CST9L: variants seen among roughly 807,000 people sequenced by gnomAD.
CST9L encodes cystatin 9 like.
CST9L carries 17 observed loss-of-function variants against 13.2 expected under a neutral mutation model. The ratio of observed to expected loss-of-function variants is 1.29; its 90% CI spans 0.88 to 1.93. The LOEUF (loss-of-function observed/expected upper bound fraction) is 1.93. Ranked by LOEUF, CST9L falls within the 30% of genes most tolerant of loss-of-function variation. The pLI, the probability that CST9L is intolerant of heterozygous loss-of-function variation, is 0.00. For missense variants in CST9L, 170 were observed against 170.5 expected, an observed-to-expected ratio of 1.00 and a Z score of 0.02; for synonymous variants, 78 against 69.1, an observed-to-expected ratio of 1.13 and a Z score of -0.64.
At chr20:23,565,870 G>A (rs560661786) in intron 2 of CST9L, 104 bp downstream of exon 2, 2 of 771,560 alleles carry the variant, frequency 2.6e-6, no homozygotes, top group African/African-American at 1.7e-5. Flanking sequence ...GGCTGCTGCA[G>A]GCTCACTCCT....
intron 1 of CST9L, among the ~76,000 whole-genome samples, chr20:23,566,611 T>A (rs1600331444): frequency 6.6e-6 from 1 of 151,798 alleles, no homozygotes; most frequent in Non-Finnish European, 1.5e-5. Flanking sequence ...TGGGGCCGGG[T>A]GTGGTGGCTC....
chr20:23,565,403 A>G lies in CST9L; in HGVS notation c.355-366T>C, dbSNP rs1269112494. On this transcript the variant is annotated intron_variant, in intron 2 of 2. Transcript: ENST00000376979. ...TAAGCAATCAGCTACCTATTTTTTA[A>G]TATTACAATAAGGGTGTTGATTAAG... 3.3e-5 allele frequency among the ~76,000 whole-genome samples: 5 copies of G among 152,240 alleles called. No individual in the cohort carries two copies. The South Asian group carries it at 8.3e-4, about 25-fold the overall frequency.
Position 23,564,920 on chromosome 20 carries a change from C to T in CST9L, c.*28G>A. 1 of 1,522,326 alleles carries T rather than the reference C, an allele frequency of 6.6e-7. No individual in the cohort carries two copies. Among genetic ancestry groups the T allele is most frequent in the Non-Finnish European group, 9.1e-7 (1 of 1,096,376 alleles). The allele number at this position is 1,522,326 out of a possible 1,614,324, so 94.3% of individuals were successfully genotyped here. A position where few individuals can be genotyped will look rare whatever the true frequency, so the allele number is the denominator to read the frequency against. On this transcript the variant is annotated 3_prime_UTR_variant, in exon 3 of 3. Coordinates refer to ENST00000376979, the MANE Select transcript of CST9L (RefSeq NM_080610.3). The stretch of plus-strand genomic sequence containing the variant: ...ATGTCCACGGAATGTGGGAGCAGCA[C>T]ATGGACAAGCCTGTGAGTGGGTTTC...
intron 2 of CST9L, among the ~76,000 whole-genome samples, 173 bp from the exon 3 acceptor site, chr20:23,565,210 T>G (rs1031760021): frequency 4.6e-5 from 7 of 152,162 alleles, no homozygotes; most frequent in Non-Finnish European, 8.8e-5. Flanking sequence ...TGGGCTGTTC[T>G]GGAGATTTGA....
chr20:23,565,063 C>T, intron 2 of CST9L, 26 bp from the exon 3 acceptor site: 2 of 1,552,076 alleles, frequency 1.3e-6, no homozygotes, highest in Non-Finnish European at 1.8e-6. Context: ...CAGGAAGGGA[C>T]AGTGGGTGAG....
At chr20:23,566,266 T>C (rs77991470) in intron 1 of CST9L, among the ~76,000 whole-genome samples, 179 bp from the exon 2 acceptor site, 3,028 of 152,284 alleles carry the variant, frequency 0.02, 100 homozygotes, top group African/African-American at 0.068. Context: ...AAAAAGCGGA[T>C]GGGCATGGTG....
intron 1 of CST9L, 22 bp from the exon 2 acceptor site, chr20:23,566,109 A>G (rs189798431): frequency 7.8e-7 from 1 of 1,288,998 alleles, no homozygotes; most frequent in Admixed American, 1.7e-5. Flanking sequence ...AGAGAGATTA[A>G]TGTGAACACA....
intron 2 of CST9L, 70 bp from the exon 3 acceptor site, chr20:23,565,107 A>G (rs1989073095): frequency 2.8e-6 from 3 of 1,088,208 alleles, no homozygotes; most frequent in Non-Finnish European, 4.3e-6. Flanking sequence ...CAAGCTCTGA[A>G]CAATGGCTTC....
intron 1 of CST9L, among the ~76,000 whole-genome samples, chr20:23,566,607 C>T (rs1018416047): frequency 2.6e-5 from 4 of 152,244 alleles, no homozygotes; most frequent in East Asian, 1.9e-4. Flanking sequence ...CATCTGGGGC[C>T]GGGTGTGGTG....
At chr20:23,565,356 CAG>C (rs1409661201) in intron 2 of CST9L, among the ~76,000 whole-genome samples, 1 of 152,192 alleles carries the variant, frequency 6.6e-6, no homozygotes, top group African/African-American at 2.4e-5. Context: ...TGCATTGTCC[CAG>C]TGGAAGCAGT....
Position 23,568,397 on chromosome 20 carries a change from G to C in CST9L, c.54C>G (p.Leu18=). Residue 18 remains leucine, a synonymous_variant, in exon 1 of 3, where the codon CTC becomes CTG. Coordinates refer to ENST00000376979, the MANE Select transcript of CST9L (RefSeq NM_080610.3). The part of the protein sequence containing the change: ...GGLSWALLLL[L]LGSQILLIYA... The stretch of plus-strand genomic sequence containing the variant: ...AGATCAGCAGGATCTGGGAGCCTAA[G>C]AGAAGCAGCAGCAGCGCCCAGGACA... 1.2e-6 allele frequency: 2 copies of C among 1,614,184 alleles called. No individual in the cohort carries two copies. The highest frequency in any genetic ancestry group is 1.7e-6 in the Non-Finnish European group (2 of 1,180,032).
intron 2 of CST9L, 111 bp from the exon 3 acceptor site, chr20:23,565,148 A>G (rs986333128): frequency 3.8e-6 from 3 of 795,404 alleles, no homozygotes; most frequent in Non-Finnish European, 6.6e-6. Flanking sequence ...CAGGTCAAGC[A>G]GTGGGAAGAC....
intron 1 of CST9L, 48 bp from the exon 2 acceptor site, chr20:23,566,135 C>G (rs765713900): frequency 2.0e-6 from 2 of 1,025,456 alleles, no homozygotes; most frequent in South Asian, 1.3e-5. Context: ...CTTGTTGCCC[C>G]TAAGTAGCTG....
chr20:23,566,663 A>G, intron 1 of CST9L, among the ~76,000 whole-genome samples: 1 of 152,154 alleles, frequency 6.6e-6, no homozygotes, highest in East Asian at 1.9e-4. Context: ...GGGTGGGTGA[A>G]TAATGAGGTC....
At chr20:23,565,668 A>C (rs1324399240) in intron 2 of CST9L, among the ~76,000 whole-genome samples, 1 of 152,132 alleles carries the variant, frequency 6.6e-6, no homozygotes, top group Non-Finnish European at 1.5e-5. Flanking sequence ...ACCACTTCTT[A>C]CTGGACCCAG....
Position 23,568,413 on chromosome 20 carries a change from G to A in CST9L, c.38C>T (p.Ala13Val), listed in dbSNP as rs760801440. The A allele has an allele frequency of 3.8e-5, 62 of 1,613,952 alleles. No homozygotes were observed. Among genetic ancestry groups the A allele is most frequent in the Admixed American group, 1.0e-4 (6 of 59,998 alleles). The part of the protein sequence containing the change: ...GLPWKGGLSW[A>V]LLLLLLGSQI... ...GGAGCCTAAGAGAAGCAGCAGCAGCGCCCAGGACAGACCTCCCTTCCACGG... is the reference window on the plus strand; with the variant it reads ...GGAGCCTAAGAGAAGCAGCAGCAGCACCCAGGACAGACCTCCCTTCCACGG... Residue 13 changes from alanine to valine, a missense_variant, in exon 1 of 3, where the codon GCG becomes GTG. Transcript: ENST00000376979.
chr20:23,565,689 C>T (rs1426333141), intron 2 of CST9L, among the ~76,000 whole-genome samples: 1 of 152,170 alleles, frequency 6.6e-6, no homozygotes, highest in Non-Finnish European at 1.5e-5. Context: ...GAGACTGGGA[C>T]CCCAGGGGGA....
At chr20:23,568,182 C>A in intron 1 of CST9L, 29 bp downstream of exon 1, 1 of 1,613,530 alleles carries the variant, frequency 6.2e-7, no homozygotes, top group Non-Finnish European at 8.5e-7. Context: ...ATGCCAGATG[C>A]CAGGGCAGGA....
Position 23,565,012 on chromosome 20 carries a change from C to A in CST9L, c.380G>T (p.Ser127Ile), listed in dbSNP as rs1046904039. 15 of 1,613,730 alleles carry A rather than the reference C, an allele frequency of 9.3e-6. No homozygotes were observed. The Admixed American group carries it at 2.5e-4, about 27-fold the overall frequency. The change falls in exon 3 of 3, where the codon AGC becomes ATC. Residue 127 changes from serine to isoleucine, a missense_variant. Ser to Ile is a moderately radical substitution (Grantham distance 142). Transcript: ENST00000376979. ...NNTFTCFFTI[S>I]TRPWMTQFSL... ...GAACTGAGTCATCCAGGGCCTGGTG[C>A]TGATGGTGAAGAAGCAGGTGAAAGT...
Sources: gnomAD v4.1 joint callset for allele counts (sites outside exome capture counted in the v4.1 genomes callset) on GRCh38, gnomAD v4.1.1 for gene constraint, MANE v1.5 for transcripts, NCBI Gene and HGNC (gene_info 2026-07-23, HGNC 2026-07-21) for gene names.